Variants in SPTSSA observed in about 807,000 individuals in gnomAD.
SPTSSA encodes the protein small subunit of serine palmitoyltransferase A.
SPTSSA carries 8 observed loss-of-function variants against 9.1 expected under a neutral mutation model. The ratio of observed to expected loss-of-function variants is 0.88; its 90% CI spans 0.51 to 1.58. The LOEUF (loss-of-function observed/expected upper bound fraction) is 1.58, where lower values mean the gene tolerates loss of function less well. Among genes scored for constraint, SPTSSA ranks in the 40% most tolerant of loss-of-function variants. The pLI is 0.00. For synonymous variants in SPTSSA, 42 were observed against 37.7 expected, an observed-to-expected ratio of 1.11 and a Z score of -0.41; for missense variants, 100 against 93.8, an observed-to-expected ratio of 1.07 and a Z score of -0.27.
intron 1 of SPTSSA, among the ~76,000 whole-genome samples, chr14:34,435,711 C>A (rs541974325): frequency 2.1e-5 from 3 of 144,416 alleles, no homozygotes; most frequent in East Asian, 2.1e-4. Context: ...CTCACTGCAA[C>A]CTCTGCCTTC....
chr14:34,451,817 AAAAC>A (rs1468009863), intron 1 of SPTSSA, among the ~76,000 whole-genome samples: 1 of 152,176 alleles, frequency 6.6e-6, no homozygotes, highest in African/African-American at 2.4e-5. Flanking sequence ...ATGAAAAAAG[AAAAC>A]AAAGCATTTG....
intron 1 of SPTSSA, among the ~76,000 whole-genome samples, chr14:34,459,462 A>G (rs1878567433): frequency 6.9e-6 from 1 of 145,478 alleles, no homozygotes; most frequent in South Asian, 2.2e-4. Context: ...CCGTCTCAAA[A>G]AAAAAAAAAG....
chr14:34,442,429 G>A (rs1179615251), intron 1 of SPTSSA, among the ~76,000 whole-genome samples: 2 of 152,288 alleles, frequency 1.3e-5, no homozygotes, highest in East Asian at 3.9e-4. Context: ...ATCTGCATGT[G>A]GCACCGGTGC....
At chr14:34,459,686 C>T (rs1878578303) in intron 1 of SPTSSA, among the ~76,000 whole-genome samples, 1 of 151,722 alleles carries the variant, frequency 6.6e-6, no homozygotes. Flanking sequence ...GAGGCTGAGG[C>T]AGGAGAATCG....
At chr14:34,439,328 G>A (rs1202111878) in intron 1 of SPTSSA, among the ~76,000 whole-genome samples, 1 of 151,980 alleles carries the variant, frequency 6.6e-6, no homozygotes, top group Non-Finnish European at 1.5e-5. Flanking sequence ...GAGGCTTGGG[G>A]GGTACATCAG....
Position 34,462,104 on chromosome 14 carries a change from G to T in SPTSSA, c.104C>A (p.Thr35Lys), listed in dbSNP as rs1251994316. The T allele has an allele frequency of 6.6e-7, 1 of 1,505,048 alleles. No homozygotes were observed. Among genetic ancestry groups the T allele is most frequent in the South Asian group, 1.2e-5 (1 of 84,344 alleles). The allele number at this position is 1,505,048 out of a possible 1,614,324, so 93.2% of individuals were successfully genotyped here. A position where few individuals can be genotyped will look rare whatever the true frequency, so the allele number is the denominator to read the frequency against. Residue 35 changes from threonine (T) to lysine (K), a missense_variant, in exon 1 of 2, where the codon ACG (threonine) becomes AAG (lysine). By Grantham distance (78) the Thr-to-Lys change is moderately conservative (BLOSUM62 -1). Coordinates refer to ENST00000298130, the MANE Select transcript of SPTSSA (RefSeq NM_138288.4). ...CGGCCGGGACAGGATACTGAACACC[G>T]TCCGCTCCCAGGGCTCCAGCATGTA... ...ALYMLEPWERTVFNSMLVSIV... is the reference protein window; with the variant it reads ...ALYMLEPWERKVFNSMLVSIV...
Position 34,462,157 on chromosome 14 carries a change from G to A in SPTSSA, c.51C>T (p.Tyr17=). 1.3e-6 allele frequency: 2 copies of A among 1,533,206 alleles called. No homozygotes were observed. The highest frequency in any genetic ancestry group is 1.2e-5 in the South Asian group (1 of 86,558). 95.0% of individuals were successfully genotyped at this position (1,533,206 alleles called of 1,614,324 possible). ...GCGCCGTGACCAGCAGGTACTGGTA[G>A]TAGAACCAGGACATCTGCTTCCAGG... The part of the protein sequence containing the change: ...ARAWKQMSWF[Y]YQYLLVTALY... Residue 17 remains tyrosine (Y), a synonymous_variant, in exon 1 of 2, where the codon TAC becomes TAT. Coordinates refer to ENST00000298130, the MANE Select transcript of SPTSSA (RefSeq NM_138288.4).
chr14:34,442,620 A>G (rs1316281859), intron 1 of SPTSSA, among the ~76,000 whole-genome samples: 5 of 152,186 alleles, frequency 3.3e-5, no homozygotes, highest in Admixed American at 6.5e-5. Flanking sequence ...TGGCCCCAAC[A>G]TTGTTTGGAA....
intron 1 of SPTSSA, among the ~76,000 whole-genome samples, chr14:34,449,820 GTCACACTTCAAAGTGCTCTCACAAA>G (rs1242695249): frequency 4.6e-5 from 7 of 152,258 alleles, no homozygotes; most frequent in South Asian, 4.2e-4. Context: ...TGGTTTTATT[GTCACACTTCAAAGTGCTCTCACAAA>G]GCTAAACATA....
At chr14:34,445,596 C>G (rs1883406997) in intron 1 of SPTSSA, among the ~76,000 whole-genome samples, 1 of 152,164 alleles carries the variant, frequency 6.6e-6, no homozygotes, top group African/African-American at 2.4e-5. Context: ...AATCAAACTT[C>G]AGTTTCAAAA....
At chr14:34,451,997 G>C (rs1883536031) in intron 1 of SPTSSA, among the ~76,000 whole-genome samples, 1 of 151,846 alleles carries the variant, frequency 6.6e-6, no homozygotes, top group African/African-American at 2.4e-5. Flanking sequence ...GAAATGTAAA[G>C]AAAGTGCCTA....
At chr14:34,453,157 G>A (rs1298007726) in intron 1 of SPTSSA, among the ~76,000 whole-genome samples, 1 of 152,174 alleles carries the variant, frequency 6.6e-6, no homozygotes, top group Admixed American at 6.5e-5. Flanking sequence ...TAAAGTTTCT[G>A]GGGAGTCAAA....
chr14:34,446,681 C>A (rs1384404516), intron 1 of SPTSSA, among the ~76,000 whole-genome samples: 1 of 152,174 alleles, frequency 6.6e-6, no homozygotes, highest in Non-Finnish European at 1.5e-5. Context: ...AGTTATTTGG[C>A]TCTTTTTCCA....
intron 1 of SPTSSA, among the ~76,000 whole-genome samples, chr14:34,451,537 C>T (rs556578471): frequency 1.3e-5 from 2 of 151,944 alleles, no homozygotes; most frequent in South Asian, 2.1e-4. Context: ...TCCTGGCTAA[C>T]ACGGTGAAAC....
intron 1 of SPTSSA, among the ~76,000 whole-genome samples, chr14:34,439,503 TAAA>T (rs1364001694): frequency 6.6e-6 from 1 of 151,412 alleles, no homozygotes; most frequent in African/African-American, 2.4e-5. Flanking sequence ...TAACTTAAAA[TAAA>T]AAAAAGAAAG....
intron 1 of SPTSSA, among the ~76,000 whole-genome samples, chr14:34,454,047 G>A (rs1361626701): frequency 1.3e-5 from 2 of 152,138 alleles, no homozygotes; most frequent in African/African-American, 4.8e-5. Flanking sequence ...AGGCATGGTG[G>A]TGTGTGCCTG....
chr14:34,460,812 G>C (rs956472441), intron 1 of SPTSSA, among the ~76,000 whole-genome samples: 1 of 152,098 alleles, frequency 6.6e-6, no homozygotes, highest in African/African-American at 2.4e-5. Context: ...ACAAATAAAT[G>C]GTGCAGGAAA....
chr14:34,455,379 T>G (rs971024489), intron 1 of SPTSSA, among the ~76,000 whole-genome samples: 1 of 151,290 alleles, frequency 6.6e-6, no homozygotes, highest in Non-Finnish European at 1.5e-5. Context: ...AGAGCGAAAC[T>G]GTCTCAAAAA....
chr14:34,458,904 C>T (rs369065475), intron 1 of SPTSSA, among the ~76,000 whole-genome samples: 1 of 124,062 alleles, frequency 8.1e-6, no homozygotes, highest in African/African-American at 3.2e-5. Context: ...GAAATTACAA[C>T]TTTTTTTTTT....
Sources: gnomAD v4.1 joint callset for allele counts (sites outside exome capture counted in the v4.1 genomes callset) on GRCh38, gnomAD v4.1.1 for gene constraint, MANE v1.5 for transcripts, NCBI Gene and HGNC (gene_info 2026-07-23, HGNC 2026-07-21) for gene names.